Variants in LIPC observed in about 807,000 individuals in gnomAD.
LIPC encodes lipase C, hepatic type.
A neutral mutation model predicts 50.7 loss-of-function variants in LIPC; 44 were observed. The ratio of observed to expected loss-of-function variants is 0.87; its 90% CI spans 0.68 to 1.11. The LOEUF (loss-of-function observed/expected upper bound fraction) is 1.11, where lower values mean the gene tolerates loss of function less well. Ranked by LOEUF, LIPC falls within the 50% of genes most tolerant of loss-of-function variation. The probability of loss-of-function intolerance (pLI) is 0.00; values close to 1 mark genes in which losing one functional copy is unlikely to be tolerated. For missense variants in LIPC, 697 were observed against 648.2 expected (o/e 1.08, Z -0.82); for synonymous variants, 271 against 256.4 (o/e 1.06, Z -0.54).
At position 58,541,896 on chromosome 15, in the gene LIPC, C is replaced by T. The variant is rs772794236; in HGVS notation, c.385C>T (p.His129Tyr). Residue 129 changes from histidine (H) to tyrosine (Y), a missense_variant, in exon 3 of 9, where the codon CAC becomes TAC. His to Tyr is a moderately conservative substitution (Grantham distance 83). Coordinates refer to ENST00000299022, the MANE Select transcript of LIPC (RefSeq NM_000236.3). ...GGACTGGATCACCCTGGCCCACGAC[C>T]ACTACACCATCGCCGTCCGCAACAC... ...LVDWITLAHDHYTIAVRNTRL... is the reference protein window; with the variant it reads ...LVDWITLAHDYYTIAVRNTRL... 1.9e-6 allele frequency: 3 copies of T among 1,612,190 alleles called. No homozygotes were observed. Among genetic ancestry groups the T allele is most frequent in the East Asian group, 2.2e-5 (1 of 44,872 alleles).
chr15:58,499,834 G>A (rs567498005), intron 1 of LIPC, among the ~76,000 whole-genome samples: 10 of 152,188 alleles, frequency 6.6e-5, no homozygotes, highest in Non-Finnish European at 1.2e-4. Context: ...CTGTGTCCTG[G>A]GGAGGAGGTA....
At chr15:58,451,039 G>A (rs1303981315) in intron 1 of LIPC, among the ~76,000 whole-genome samples, 1 of 152,180 alleles carries the variant, frequency 6.6e-6, no homozygotes, top group Non-Finnish European at 1.5e-5. Context: ...AACGTACTAG[G>A]AAGAATCATG....
chr15:58,561,096 G>A (rs150350168), intron 7 of LIPC, 115 bp downstream of exon 7: 42 of 748,820 alleles, frequency 5.6e-5, no homozygotes, highest in African/African-American at 3.5e-4. Flanking sequence ...TATTCCAGAC[G>A]CAAACCAAAA....
At chr15:58,445,833 C>T (rs1313888516) in intron 1 of LIPC, among the ~76,000 whole-genome samples, 3 of 152,210 alleles carry the variant, frequency 2.0e-5, no homozygotes, top group Non-Finnish European at 4.4e-5. Context: ...CGTAAGTGAA[C>T]GCACTTTGAA....
chr15:58,492,245 G>A (rs1464156558), intron 1 of LIPC, among the ~76,000 whole-genome samples: 2 of 152,174 alleles, frequency 1.3e-5, no homozygotes, highest in African/African-American at 4.8e-5. Context: ...GGTAGGAAAG[G>A]TCAGGCAAGT....
intron 1 of LIPC, among the ~76,000 whole-genome samples, chr15:58,485,124 C>A (rs568485492): frequency 1.3e-5 from 2 of 152,274 alleles, no homozygotes; most frequent in African/African-American, 4.8e-5. Flanking sequence ...GTAATAGCAT[C>A]AGTTATGCAT....
chr15:58,557,193 T>C (rs1474809552), intron 6 of LIPC, among the ~76,000 whole-genome samples: 1 of 152,070 alleles, frequency 6.6e-6, no homozygotes, highest in African/African-American at 2.4e-5. Flanking sequence ...ATATACGACT[T>C]ACTAGCTGTG....
chr15:58,548,400 C>T lies in LIPC; in HGVS notation c.879C>T (p.Ala293=), dbSNP rs751948558. Residue 293 remains alanine, a synonymous_variant, in exon 6 of 9, where the codon GCC becomes GCT. Coordinates refer to ENST00000299022, the MANE Select transcript of LIPC (RefSeq NM_000236.3). The stretch of plus-strand genomic sequence containing the variant: ...TTTTCATCGACTCCTTGCTGCACGC[C>T]GGCACGCAGAGCATGGCCTACCCGT... ...VHLFIDSLLH[A]GTQSMAYPCG... 24 of 1,614,144 alleles carry T rather than the reference C, an allele frequency of 1.5e-5. No individual in the cohort carries two copies. The highest frequency in any genetic ancestry group is 6.7e-5 in the Admixed American group (4 of 60,024).
At position 58,531,547 on chromosome 15, in the gene LIPC, C is replaced by T. The variant is rs574405570; in HGVS notation, c.89-6786C>T. Among the ~76,000 whole-genome samples, 4 of 141,980 alleles carry T rather than the reference C, an allele frequency of 2.8e-5. No individual in the cohort carries two copies. The East Asian group carries it at 9.1e-4, about 32-fold the overall frequency. 93.1% of individuals were successfully genotyped at this position (141,980 alleles called of 152,430 possible). A position where few individuals can be genotyped will look rare whatever the true frequency, so the allele number is the denominator to read the frequency against. On this transcript the variant is annotated intron_variant, in intron 1 of 8. Transcript: ENST00000299022. The stretch of plus-strand genomic sequence containing the variant: ...AAAATTTTTGGCAAGAAAAAAGACT[C>T]TACTTACTTTTTTCCCTGGGATCCA...
At position 58,440,974 on chromosome 15, in the gene LIPC, T is replaced by C. The variant is rs261340; in HGVS notation, c.88+8854T>C. Reference sequence around the variant, plus strand: ...AGGGCCATCCTCAGAAGTTTTGTCCTCATCCTGGAGGCAGGGCAGACCACT... The same window carrying C: ...AGGGCCATCCTCAGAAGTTTTGTCCCCATCCTGGAGGCAGGGCAGACCACT... On this transcript the variant is annotated intron_variant, in intron 1 of 8. Coordinates refer to ENST00000299022, the MANE Select transcript of LIPC (RefSeq NM_000236.3). 3.1e-3 allele frequency among the ~76,000 whole-genome samples: 476 copies of C among 152,298 alleles called. 4 individuals carry two copies. Among genetic ancestry groups the C allele is most frequent in the African/African-American group, 0.011 (459 of 41,558 alleles).
chr15:58,484,615 A>G (rs548652240), intron 1 of LIPC, among the ~76,000 whole-genome samples: 1 of 152,382 alleles, frequency 6.6e-6, no homozygotes, highest in Non-Finnish European at 1.5e-5. Flanking sequence ...GAGCAGGGAA[A>G]TAACTTGCCC....
chr15:58,467,244 T>G (rs928385793), intron 1 of LIPC, among the ~76,000 whole-genome samples: 2 of 152,160 alleles, frequency 1.3e-5, no homozygotes, highest in African/African-American at 4.8e-5. Context: ...CCTGACCCAC[T>G]CATCCCTGAC....
intron 1 of LIPC, among the ~76,000 whole-genome samples, chr15:58,474,600 G>A (rs1028681520): frequency 6.6e-6 from 1 of 151,312 alleles, no homozygotes; most frequent in South Asian, 2.1e-4. Context: ...TCAGCATTTT[G>A]TAGAGGAGGA....
In LIPC at chr15:58,548,507, G is replaced by A. The variant is rs149195239; in HGVS notation, c.986G>A (p.Arg329His). 313 of 1,603,850 alleles carry A rather than the reference G, an allele frequency of 2.0e-4. No individual in the cohort carries two copies. Among genetic ancestry groups the A allele is most frequent in the African/African-American group, 3.2e-4 (24 of 74,978 alleles). Residue 329 changes from arginine to histidine, a missense_variant, in exon 6 of 9, where the codon CGC (arginine) becomes CAC (histidine). By Grantham distance (29) the Arg-to-His change is conservative. Coordinates refer to ENST00000299022, the MANE Select transcript of LIPC (RefSeq NM_000236.3). The stretch of plus-strand genomic sequence containing the variant: ...TGCAACACGCTGGGCTACCACGTCC[G>A]CCAGGAGCCGCGGAGCAAGAGCAAG... ...GRCNTLGYHV[R>H]QEPRSKSKRL...
chr15:58,513,951 C>T (rs556742726), intron 1 of LIPC, among the ~76,000 whole-genome samples: 12 of 152,302 alleles, frequency 7.9e-5, no homozygotes, highest in African/African-American at 2.6e-4. Flanking sequence ...GCCAGAAGGC[C>T]ATAATGCAGA....
At chr15:58,432,842 T>TG (rs1165345980) in intron 1 of LIPC, among the ~76,000 whole-genome samples, 2 of 152,192 alleles carry the variant, frequency 1.3e-5, no homozygotes, top group Non-Finnish European at 2.9e-5. Flanking sequence ...GAATTTGTTT[T>TG]GGTACTGGTT....
intron 6 of LIPC, 125 bp downstream of exon 6, chr15:58,548,697 T>A: frequency 7.6e-7 from 1 of 1,314,556 alleles, no homozygotes; most frequent in Non-Finnish European, 1.1e-6. Flanking sequence ...TTTCTGAAAC[T>A]GTGCAGGCTC....
chr15:58,476,057 TCTCA>T (rs1468827893), intron 1 of LIPC, among the ~76,000 whole-genome samples: 1 of 152,256 alleles, frequency 6.6e-6, no homozygotes, highest in Non-Finnish European at 1.5e-5. Flanking sequence ...CCATACATTG[TCTCA>T]CTCTTCATGA....
intron 1 of LIPC, among the ~76,000 whole-genome samples, chr15:58,484,257 T>C (rs1891289702): frequency 6.6e-6 from 1 of 152,148 alleles, no homozygotes; most frequent in Non-Finnish European, 1.5e-5. Context: ...CCATTCCTAC[T>C]CCATTTGGTG....
Sources: gnomAD v4.1 joint callset for allele counts (sites outside exome capture counted in the v4.1 genomes callset) on GRCh38, gnomAD v4.1.1 for gene constraint, MANE v1.5 for transcripts, NCBI Gene and HGNC (gene_info 2026-07-23, HGNC 2026-07-21) for gene names.